The following CDHR1 variants were observed in gnomAD, a reference collection of about 807,000 sequenced individuals.
The protein encoded by CDHR1 is cadherin-related family member 1.
CDHR1 carries 61 observed loss-of-function variants against 72.1 expected under a neutral mutation model. That is an observed-to-expected ratio of 0.85 (90% CI 0.69 to 1.05). CDHR1 has a LOEUF of 1.05. CDHR1 is among the 50% of genes least tolerant of loss of function. The pLI is 0.00. For synonymous variants in CDHR1, 470 were observed against 448.1 expected (o/e 1.05, Z -0.62); for missense variants, 1,186 against 1,115.7 (o/e 1.06, Z -0.90).
chr10:84,218,338 G>A lies in CDHR1; in HGVS notation c.*3717G>A, dbSNP rs369903294. ...CAACAGGCTGATGTTGGGGACATCG[G>A]TTTGATGTTATAAAATCGTGCACAT... is the stretch of plus-strand genomic sequence containing the variant. On this transcript the variant is annotated 3_prime_UTR_variant, in exon 17 of 17. Transcript: ENST00000623527. The A allele has an allele frequency of 7.1e-6, 7 of 985,310 alleles. No homozygotes were observed. The African/African-American group carries it at 1.2e-4, about 17-fold the overall frequency. The allele number at this position is 985,310 out of a possible 1,614,324, so 61.0% of individuals were successfully genotyped here.
At chr10:84,218,940 C>A, downstream of CDHR1, 1 of 537,764 alleles carries the variant, frequency 1.9e-6, no homozygotes. Flanking sequence ...TACTATGTGC[C>A]AGGTATTGTT....
Position 84,217,192 on chromosome 10 carries a change from C to G in CDHR1, c.*2571C>G. On this transcript the variant is annotated 3_prime_UTR_variant, in exon 17 of 17. Coordinates refer to ENST00000623527, the MANE Select transcript of CDHR1 (RefSeq NM_033100.4). ...AAGTCCCTGTGTTACGAATGGTGGG[C>G]CAAGGGGCTGTCTGCTAGGTCCCAG... 1 of 985,530 alleles carries G rather than the reference C, an allele frequency of 1.0e-6. No homozygotes were observed. The highest frequency in any genetic ancestry group is 1.2e-6 in the Non-Finnish European group (1 of 830,006). The allele number at this position is 985,530 out of a possible 1,614,324, so 61.0% of individuals were successfully genotyped here.
In CDHR1 at chr10:84,207,382, CCA is replaced by C. The variant is rs144758531; in HGVS notation, c.964-789_964-788del. Among the ~76,000 whole-genome samples the C allele has an allele frequency of 6.7e-3, 1,020 of 152,078 alleles. 19 individuals are homozygous for C. The highest frequency in any genetic ancestry group is 0.023 in the African/African-American group (959 of 41,492). On this transcript the variant is annotated intron_variant, in intron 10 of 16. Transcript: ENST00000623527. ...TTGGGAAGGAGAAAGAGTAGCAGTGCCACATACAGTGTGGAAGTCAGGGTGAA... is the reference window on the plus strand; with the variant it reads ...TTGGGAAGGAGAAAGAGTAGCAGTGCCATACAGTGTGGAAGTCAGGGTGAA...
In CDHR1 at chr10:84,205,741, G is replaced by T. The variant is rs535961992; in HGVS notation, c.863-86G>T. The stretch of plus-strand genomic sequence containing the variant: ...ATTCCATTCTATGAAGACTTCCCTA[G>T]GCAATGCAGGACGATCCTGTGGCAC... On this transcript the variant is annotated intron_variant, in intron 9 of 16. Transcript: ENST00000623527. 7 of 849,604 alleles carry T rather than the reference G, an allele frequency of 8.2e-6. No individual in the cohort carries two copies. In the East Asian group the frequency reaches 1.7e-4, roughly 21 times the overall value. 52.6% of individuals were successfully genotyped at this position (849,604 alleles called of 1,614,324 possible). A position where few individuals can be genotyped will look rare whatever the true frequency, so the allele number is the denominator to read the frequency against.
At chr10:84,199,365 C>T (rs1049371022) in intron 5 of CDHR1, among the ~76,000 whole-genome samples, 4 of 152,220 alleles carry the variant, frequency 2.6e-5, no homozygotes, top group African/African-American at 7.2e-5. Context: ...TCAAAATCAC[C>T]CTCGCTGTCT....
In CDHR1 at chr10:84,218,388, G is replaced by A. The variant is rs926667236; in HGVS notation, c.*3767G>A. 17 of 985,252 alleles carry A rather than the reference G, an allele frequency of 1.7e-5. No individual in the cohort carries two copies. The Admixed American group carries it at 8.0e-4, about 46-fold the overall frequency. 61.0% of individuals were successfully genotyped at this position (985,252 alleles called of 1,614,324 possible). Reference sequence around the variant, plus strand: ...TGTACCCCTTTTGAGGCCTGAATGAGGTTCGGTTATTTATTCATTTCTCAA... The same window carrying A: ...TGTACCCCTTTTGAGGCCTGAATGAAGTTCGGTTATTTATTCATTTCTCAA... On this transcript the variant is annotated 3_prime_UTR_variant, in exon 17 of 17. Transcript: ENST00000623527.
At position 84,212,377 on chromosome 10, in the gene CDHR1, G is replaced by A. The variant is rs568247142; in HGVS notation, c.1752G>A (p.Thr584=). 12 of 1,614,226 alleles carry A rather than the reference G, an allele frequency of 7.4e-6. No homozygotes were observed. In the East Asian group the frequency reaches 1.1e-4, roughly 15 times the overall value. The part of the protein sequence containing the change: ...PQFGKSVQKK[T]MVLGTPVKIE... ...TTGGAAAGAGCGTTCAGAAGAAGAC[G>A]ATGGTGCTAGGGACCCCAGTGAAAA... The change falls in exon 15 of 17, where the codon ACG becomes ACA. Residue 584 remains threonine, a synonymous_variant. Coordinates refer to ENST00000623527, the MANE Select transcript of CDHR1 (RefSeq NM_033100.4).
chr10:84,202,879 C>T, intron 7 of CDHR1, 101 bp from the exon 8 acceptor site: 4 of 1,306,568 alleles, frequency 3.1e-6, no homozygotes, highest in Non-Finnish European at 3.3e-6. Flanking sequence ...GGACAGCTGG[C>T]CTCACAGCCA....
intron 12 of CDHR1, among the ~76,000 whole-genome samples, chr10:84,209,412 A>G (rs1054952208): frequency 6.6e-6 from 1 of 152,172 alleles, no homozygotes; most frequent in African/African-American, 2.4e-5. Flanking sequence ...ACTCTCCTAT[A>G]GCCTGCATCA....
chr10:84,214,955 C>A lies in CDHR1; in HGVS notation c.*334C>A. The A allele has an allele frequency of 1.6e-6, 2 of 1,252,978 alleles. No homozygotes were observed. The highest frequency in any genetic ancestry group is 3.5e-5 in the Admixed American group (1 of 28,300). The allele number at this position is 1,252,978 out of a possible 1,614,324, so 77.6% of individuals were successfully genotyped here. A position where few individuals can be genotyped will look rare whatever the true frequency, so the allele number is the denominator to read the frequency against. On this transcript the variant is annotated 3_prime_UTR_variant, in exon 17 of 17. Transcript: ENST00000623527. Reference sequence around the variant, plus strand: ...AAGCCAGCTCACCCATCCCAGACCTCACAGTCCCTCAGGTTCTACTGGGAT... The same window carrying A: ...AAGCCAGCTCACCCATCCCAGACCTAACAGTCCCTCAGGTTCTACTGGGAT...
intron 13 of CDHR1, 142 bp downstream of exon 13, chr10:84,211,307 T>C: frequency 1.3e-6 from 1 of 798,654 alleles, no homozygotes; most frequent in Non-Finnish European, 2.0e-6. Flanking sequence ...TCTCTTAGCC[T>C]CAGTTTCTTC....
At position 84,200,620 on chromosome 10, in the gene CDHR1, T is replaced by A; in HGVS notation, c.458T>A (p.Ile153Asn). ...CCTCAGGACATACCTGCTGGGAGCA[T>A]CATCTTTAAGGTCCATGCAGTGGAC... ...LVPEDIPAGS[I>N]IFKVHAVDRD... is the part of the protein sequence containing the mutation. Residue 153 changes from isoleucine to asparagine, a missense_variant, in exon 6 of 17, where the codon ATC becomes AAC. By Grantham distance (149) the Ile-to-Asn change is moderately radical. Coordinates refer to ENST00000623527, the MANE Select transcript of CDHR1 (RefSeq NM_033100.4). 1 of 1,611,768 alleles carries A rather than the reference T, an allele frequency of 6.2e-7. No individual in the cohort carries two copies. The highest frequency in any genetic ancestry group is 8.5e-7 in the Non-Finnish European group (1 of 1,179,086).
In CDHR1 at chr10:84,217,516, G is replaced by T. The variant is rs1358451253; in HGVS notation, c.*2895G>T. 2 of 974,236 alleles carry T rather than the reference G, an allele frequency of 2.1e-6. No individual in the cohort carries two copies. Among genetic ancestry groups the T allele is most frequent in the African/African-American group, 1.8e-5 (1 of 57,084 alleles). The allele number at this position is 974,236 out of a possible 1,614,324, so 60.3% of individuals were successfully genotyped here. ...TGGGCAAGAGGTCAAGTCTCTCTGGGCCTCACTTTCCTCATTAACACAGGG... is the reference window on the plus strand; with the variant it reads ...TGGGCAAGAGGTCAAGTCTCTCTGGTCCTCACTTTCCTCATTAACACAGGG... On this transcript the variant is annotated 3_prime_UTR_variant, in exon 17 of 17. Coordinates refer to ENST00000623527, the MANE Select transcript of CDHR1 (RefSeq NM_033100.4).
intron 4 of CDHR1, 66 bp downstream of exon 4, chr10:84,197,902 G>A: frequency 6.8e-7 from 1 of 1,462,944 alleles, no homozygotes; most frequent in Non-Finnish European, 9.6e-7. Flanking sequence ...GGTGAGGCTG[G>A]CACGATTCCT....
At chr10:84,203,578 CT>C (rs2132809460) in intron 8 of CDHR1, among the ~76,000 whole-genome samples, 1 of 152,234 alleles carries the variant, frequency 6.6e-6, no homozygotes, top group South Asian at 2.1e-4. Context: ...CCATGCTCAG[CT>C]AATTTTTTGT....
chr10:84,208,717 C>T lies in CDHR1; in HGVS notation c.1168-12C>T, dbSNP rs1376041350. On this transcript the variant is annotated splice_polypyrimidine_tract_variant and intron_variant, in intron 11 of 16. Transcript: ENST00000623527. Reference sequence around the variant, plus strand: ...ATTCATCTTCCTTGTTTCCACTCTCCAAATTCTCTAGGGAGCCAATGCCAA... The same window carrying T: ...ATTCATCTTCCTTGTTTCCACTCTCTAAATTCTCTAGGGAGCCAATGCCAA... The T allele has an allele frequency of 1.2e-6, 2 of 1,613,450 alleles. No homozygotes were observed.
chr10:84,196,774 C>A, intron 3 of CDHR1, 124 bp downstream of exon 3: 1 of 1,076,696 alleles, frequency 9.3e-7, no homozygotes, highest in South Asian at 1.3e-5. Flanking sequence ...GGGGCACACC[C>A]CAGGCACATC....
At chr10:84,208,982 C>A (rs1329599585) in intron 12 of CDHR1, 101 bp downstream of exon 12, 2 of 1,248,244 alleles carry the variant, frequency 1.6e-6, no homozygotes, top group African/African-American at 1.5e-5. Context: ...ACTCTCTGCC[C>A]TTCCTGGCCC....
In CDHR1 at chr10:84,200,675, C is replaced by G; in HGVS notation, c.513C>G (p.Thr171=). The G allele has an allele frequency of 6.2e-7, 1 of 1,610,060 alleles. No homozygotes were observed. The highest frequency in any genetic ancestry group is 8.5e-7 in the Non-Finnish European group (1 of 1,177,996). ...ACACAGGCTCTGGAGGGAGTGTCAC[C>G]TACTTCCTGCAGGTAAGGCAGGACA... ...DRDTGSGGSV[T]YFLQNLHSPF... Residue 171 remains threonine (T), a synonymous_variant, in exon 6 of 17, where the codon ACC becomes ACG. Coordinates refer to ENST00000623527, the MANE Select transcript of CDHR1 (RefSeq NM_033100.4).
Sources: gnomAD v4.1 joint callset for allele counts (sites outside exome capture counted in the v4.1 genomes callset) on GRCh38, gnomAD v4.1.1 for gene constraint, MANE v1.5 for transcripts, NCBI Gene and HGNC (gene_info 2026-07-23, HGNC 2026-07-21) for gene names.